UGGT2: variants seen among roughly 807,000 people sequenced by gnomAD.
UGGT2 encodes UDP-glucose:glycoprotein glucosyltransferase 2.
Under a neutral mutation model 192.1 loss-of-function variants are expected in UGGT2, and 180 were observed. The observed-to-expected ratio is 0.94, with a 90% CI of 0.83 to 1.06. The LOEUF (loss-of-function observed/expected upper bound fraction) is 1.06, where lower values mean the gene tolerates loss of function less well. UGGT2 is among the 50% of genes least tolerant of loss of function. UGGT2 has a pLI of 0.00. For synonymous variants in UGGT2, 580 were observed against 591.0 expected, an observed-to-expected ratio of 0.98 and a Z score of 0.27; for missense variants, 1,849 against 1,795.7, an observed-to-expected ratio of 1.03 and a Z score of -0.54.
At chr13:96,048,991 C>T (rs190321056) in intron 1 of UGGT2, among the ~76,000 whole-genome samples, 66 of 152,276 alleles carry the variant, frequency 4.3e-4, no homozygotes, top group Non-Finnish European at 7.5e-4. Context: ...ATAAGGCCAG[C>T]ATCATCCTGA....
chr13:95,827,461 A>T (rs77307573), intron 38 of UGGT2, among the ~76,000 whole-genome samples: 1 of 152,118 alleles, frequency 6.6e-6, no homozygotes, highest in Admixed American at 6.6e-5. Flanking sequence ...TTACAAACCA[A>T]GGAGAGACGT....
intron 36 of UGGT2, 76 bp from the exon 37 acceptor site, chr13:95,837,278 A>T: frequency 1.0e-6 from 1 of 988,636 alleles, no homozygotes; most frequent in South Asian, 1.3e-5. Flanking sequence ...GAAGTAAGAC[A>T]TCAGTTAGAC....
Position 95,860,816 on chromosome 13 carries a change from A to G in UGGT2, c.3712T>C (p.Ser1238Pro). 6.4e-7 allele frequency: 1 copy of G among 1,562,168 alleles called. No individual in the cohort carries two copies. The highest frequency in any genetic ancestry group is 8.7e-7 in the Non-Finnish European group (1 of 1,155,114). Residue 1238 changes from serine to proline, a missense_variant, in exon 32 of 39, where the codon TCT becomes CCT. Ser to Pro is a moderately conservative substitution (Grantham distance 74). Coordinates refer to ENST00000376747, the MANE Select transcript of UGGT2 (RefSeq NM_020121.4). Reference sequence around the variant, plus strand: ...AAAAAACGTTCATATAAATGACCAGAAGCAACTGAAAAAATGTTTAGGACA... The same window carrying G: ...AAAAAACGTTCATATAAATGACCAGGAGCAACTGAAAAAATGTTTAGGACA... ...KDVLNIFSVA[S>P]GHLYERFLRI...
chr13:95,919,993 CAAG>C (rs2048797115), intron 20 of UGGT2, among the ~76,000 whole-genome samples: 1 of 152,058 alleles, frequency 6.6e-6, no homozygotes, highest in African/African-American at 2.4e-5. Flanking sequence ...TGTACTGGTA[CAAG>C]AAGAGACACA....
chr13:95,991,653 G>C (rs2051461936), intron 7 of UGGT2, among the ~76,000 whole-genome samples: 1 of 152,074 alleles, frequency 6.6e-6, no homozygotes, highest in Non-Finnish European at 1.5e-5. Flanking sequence ...CTTTCTAAAA[G>C]AAGTTCACTA....
At position 96,053,338 on chromosome 13, in the gene UGGT2, C is replaced by T. The variant is rs1371228937; in HGVS notation, c.-26G>A. 2.5e-6 allele frequency: 4 copies of T among 1,575,398 alleles called. No individual in the cohort carries two copies. The highest frequency in any genetic ancestry group is 3.4e-6 in the Non-Finnish European group (4 of 1,170,636). On this transcript the variant is annotated 5_prime_UTR_variant, in exon 1 of 39. Transcript: ENST00000376747. Reference sequence around the variant, plus strand: ...GGCACGGAGAGAAAAGCGCGAGTCCCTCGGACCCGGTACCCACAGTCTGTG... The same window carrying T: ...GGCACGGAGAGAAAAGCGCGAGTCCTTCGGACCCGGTACCCACAGTCTGTG...
chr13:95,982,917 T>C (rs1363589316), intron 10 of UGGT2, among the ~76,000 whole-genome samples: 1 of 152,316 alleles, frequency 6.6e-6, no homozygotes, highest in African/African-American at 2.4e-5. Context: ...TATGCATCTT[T>C]TTCTTCATTA....
At chr13:95,857,047 C>T (rs994711795) in intron 33 of UGGT2, among the ~76,000 whole-genome samples, 1 of 151,870 alleles carries the variant, frequency 6.6e-6, no homozygotes, top group Non-Finnish European at 1.5e-5. Context: ...ATAGAATTTG[C>T]GTTTTACCAC....
At chr13:95,987,111 C>A (rs904287722) in intron 8 of UGGT2, among the ~76,000 whole-genome samples, 4 of 152,060 alleles carry the variant, frequency 2.6e-5, no homozygotes, top group African/African-American at 9.7e-5. Flanking sequence ...AGGATACTCA[C>A]CCCACCACTG....
chr13:95,996,514 A>G (rs1454540644), intron 6 of UGGT2, among the ~76,000 whole-genome samples: 1 of 151,808 alleles, frequency 6.6e-6, no homozygotes. Flanking sequence ...AAAAAAAATT[A>G]GAACTCACAA....
rs950735124 is a variant in UGGT2 at position 95,894,548 on chromosome 13, G to A, written c.2855+14C>T. 4.4e-6 allele frequency: 7 copies of A among 1,593,464 alleles called. No homozygotes were observed. Among genetic ancestry groups the A allele is most frequent in the South Asian group, 2.3e-5 (2 of 87,954 alleles). ...TAACAGAAAAATCACAAACAAATACGAATACATTCTTACCTGTGATTCTCC... is the reference window on the plus strand; with the variant it reads ...TAACAGAAAAATCACAAACAAATACAAATACATTCTTACCTGTGATTCTCC... On this transcript the variant is annotated intron_variant, in intron 24 of 38. Coordinates refer to ENST00000376747, the MANE Select transcript of UGGT2 (RefSeq NM_020121.4).
rs775917051 is a variant in UGGT2 at position 95,949,367 on chromosome 13, C to A, written c.1423G>T (p.Val475Leu). ...TGAAAATTGCGCCTTATGGAAGGTACACTTCCAGGAAATACTGGCTTCAGA... is the reference window on the plus strand; with the variant it reads ...TGAAAATTGCGCCTTATGGAAGGTAAACTTCCAGGAAATACTGGCTTCAGA... ...KLLKPVFPGS[V>L]PSIRRNFHNL... The change falls in exon 13 of 39, where the codon GTA becomes TTA. Residue 475 changes from valine to leucine, a missense_variant. Val to Leu is a conservative substitution (Grantham distance 32, BLOSUM62 1). Transcript: ENST00000376747. 1.9e-6 allele frequency: 3 copies of A among 1,577,634 alleles called. No homozygotes were observed. Among genetic ancestry groups the A allele is most frequent in the African/African-American group, 1.4e-5 (1 of 73,800 alleles).
At chr13:95,988,782 G>A (rs982138932) in intron 8 of UGGT2, among the ~76,000 whole-genome samples, 8 of 152,060 alleles carry the variant, frequency 5.3e-5, no homozygotes, top group African/African-American at 9.7e-5. Flanking sequence ...TCTGTTAAGT[G>A]TATATAAAGT....
intron 1 of UGGT2, among the ~76,000 whole-genome samples, chr13:96,034,461 C>A (rs1164825215): frequency 6.6e-6 from 1 of 152,190 alleles, no homozygotes; most frequent in Non-Finnish European, 1.5e-5. Flanking sequence ...GAACATGCAA[C>A]AAGAACTTGG....
chr13:96,040,076 T>C (rs2053121845), intron 1 of UGGT2, among the ~76,000 whole-genome samples: 1 of 152,248 alleles, frequency 6.6e-6, no homozygotes, highest in Admixed American at 6.5e-5. Context: ...AAAATTATTC[T>C]AGCCTCTGTC....
At chr13:95,957,916 A>T (rs2050260399) in intron 12 of UGGT2, among the ~76,000 whole-genome samples, 1 of 152,234 alleles carries the variant, frequency 6.6e-6, no homozygotes, top group Non-Finnish European at 1.5e-5. Flanking sequence ...TAGAAAAGAC[A>T]TCTGCTATTG....
chr13:95,900,246 T>C (rs1229972672), intron 22 of UGGT2, among the ~76,000 whole-genome samples: 1 of 152,038 alleles, frequency 6.6e-6, no homozygotes, highest in Non-Finnish European at 1.5e-5. Flanking sequence ...GCTATCTATG[T>C]ATGGTAGAAA....
At chr13:95,880,611 C>A (rs1388431307) in intron 27 of UGGT2, among the ~76,000 whole-genome samples, 1 of 152,128 alleles carries the variant, frequency 6.6e-6, no homozygotes, top group African/African-American at 2.4e-5. Flanking sequence ...CCTCAGTCAA[C>A]CATGGTCCAA....
chr13:95,962,746 G>C (rs1341920860), intron 12 of UGGT2, among the ~76,000 whole-genome samples: 9 of 152,206 alleles, frequency 5.9e-5, no homozygotes, highest in Non-Finnish European at 1.2e-4. Context: ...CAACAATAAA[G>C]GAAAACCACA....
Sources: gnomAD v4.1 joint callset for allele counts (sites outside exome capture counted in the v4.1 genomes callset) on GRCh38, gnomAD v4.1.1 for gene constraint, MANE v1.5 for transcripts, NCBI Gene and HGNC (gene_info 2026-07-23, HGNC 2026-07-21) for gene names.